The following CDH12 variants were observed in gnomAD, a reference collection of about 807,000 sequenced individuals.
CDH12 encodes cadherin 12.
A neutral mutation model predicts 74.1 loss-of-function variants in CDH12; 41 were observed. The ratio of observed to expected loss-of-function variants is 0.55; its 90% CI spans 0.43 to 0.72. The LOEUF (loss-of-function observed/expected upper bound fraction) is 0.72. CDH12 is among the 30% of genes least tolerant of loss of function. The pLI is 0.00. For synonymous variants in CDH12, 399 were observed against 355.0 expected (o/e 1.12, Z -1.39); for missense variants, 945 against 977.2 (o/e 0.97, Z 0.44).
chr5:22,708,043 C>T (rs1254793965), intron 1 of CDH12, among the ~76,000 whole-genome samples: 2 of 152,068 alleles, frequency 1.3e-5, no homozygotes, highest in East Asian at 3.9e-4. Flanking sequence ...ATTGAGGTGG[C>T]AGTGAATTTC....
At chr5:22,250,607 T>C (rs6452072) in intron 3 of CDH12, among the ~76,000 whole-genome samples, 151,410 of 152,338 alleles carry the variant, frequency 0.99, 75,257 homozygotes, top group Middle Eastern at 1. Context: ...ATGCCAACAA[T>C]ATGTTGTAAA....
At chr5:22,461,843 T>A (rs1159405806) in intron 2 of CDH12, among the ~76,000 whole-genome samples, 9 of 152,016 alleles carry the variant, frequency 5.9e-5, no homozygotes, top group Non-Finnish European at 1.2e-4. Context: ...ATAGAATTTA[T>A]TAAATGTTAT....
intron 10 of CDH12, among the ~76,000 whole-genome samples, chr5:21,796,951 A>G (rs1056445841): frequency 2.0e-5 from 3 of 152,138 alleles, no homozygotes; most frequent in Non-Finnish European, 4.4e-5. Flanking sequence ...TGTGAACTAT[A>G]TAATAGCAGT....
intron 2 of CDH12, among the ~76,000 whole-genome samples, chr5:22,485,431 G>C (rs1399878843): frequency 6.6e-6 from 1 of 152,134 alleles, no homozygotes; most frequent in African/African-American, 2.4e-5. Context: ...CTTCAAGCAA[G>C]ACTCCTTCTT....
chr5:22,021,743 T>C (rs1737993665), intron 5 of CDH12, among the ~76,000 whole-genome samples: 1 of 152,360 alleles, frequency 6.6e-6, no homozygotes, highest in African/African-American at 2.4e-5. Context: ...AAAATATGTA[T>C]AGATTGTGTT....
intron 4 of CDH12, among the ~76,000 whole-genome samples, chr5:22,193,398 C>T (rs1188704326): frequency 2.0e-5 from 3 of 152,060 alleles, no homozygotes; most frequent in Middle Eastern, 3.2e-3. Flanking sequence ...GGGGAAACTC[C>T]CAGGTCTTTT....
intron 2 of CDH12, among the ~76,000 whole-genome samples, chr5:22,491,624 A>AAAAC: frequency 6.7e-6 from 1 of 149,350 alleles, no homozygotes; most frequent in African/African-American, 2.5e-5. Context: ...AAAAAAAACA[A>AAAAC]AAAAAAAAAC....
intron 4 of CDH12, among the ~76,000 whole-genome samples, chr5:22,111,166 G>T (rs978368718): frequency 7.2e-5 from 11 of 151,942 alleles, no homozygotes; most frequent in African/African-American, 2.4e-4. Flanking sequence ...GTGGGTGGTG[G>T]TATTTATTCA....
In CDH12 at chr5:22,852,386, A is replaced by G. The variant is rs529511367; in HGVS notation, c.-523+672T>C. Among the ~76,000 whole-genome samples the G allele has an allele frequency of 2.1e-3, 317 of 152,336 alleles. 7 individuals are homozygous for G. The highest frequency in any genetic ancestry group is 3.4e-3 in the Middle Eastern group (1 of 294). On this transcript the variant is annotated intron_variant, in intron 1 of 14. Coordinates refer to ENST00000382254, the MANE Select transcript of CDH12 (RefSeq NM_004061.5). ...TTTGCCATTATGTCCTATATCACAC[A>G]TATTTCCTCCTTGTTAAATGTATCA...
Position 22,265,522 on chromosome 5 carries a change from A to G in CDH12, c.-332-52879T>C, listed in dbSNP as rs964807855. ...GTATGTAGTTTTCTTACTTTGGAAGAGAATTGATATTAAAAATTGGCCTCA... is the reference window on the plus strand; with the variant it reads ...GTATGTAGTTTTCTTACTTTGGAAGGGAATTGATATTAAAAATTGGCCTCA... On this transcript the variant is annotated intron_variant, in intron 3 of 14. Coordinates refer to ENST00000382254, the MANE Select transcript of CDH12 (RefSeq NM_004061.5). Among the ~76,000 whole-genome samples the G allele has an allele frequency of 3.0e-4, 46 of 152,206 alleles. 1 individual carries two copies. The highest frequency in any genetic ancestry group is 5.9e-4 in the Non-Finnish European group (40 of 68,034).
At position 22,587,082 on chromosome 5, in the gene CDH12, C is replaced by T. The variant is rs533074883; in HGVS notation, c.-522-81718G>A. Among the ~76,000 whole-genome samples the T allele has an allele frequency of 4.6e-5, 7 of 152,074 alleles. No homozygotes were observed. In the South Asian group the frequency reaches 8.3e-4, roughly 18 times the overall value. On this transcript the variant is annotated intron_variant, in intron 1 of 14. Transcript: ENST00000382254. ...AACTCCTGACCTCAGGCGATCTGCCCGTCTTGGCCTCCCAAAGTGCTGGGA... is the reference window on the plus strand; with the variant it reads ...AACTCCTGACCTCAGGCGATCTGCCTGTCTTGGCCTCCCAAAGTGCTGGGA...
chr5:21,850,707 T>C (rs1462725588), intron 7 of CDH12, among the ~76,000 whole-genome samples: 2 of 151,410 alleles, frequency 1.3e-5, no homozygotes, highest in Admixed American at 1.3e-4. Flanking sequence ...AAAGTATCAG[T>C]CATGTGGGCA....
At chr5:22,238,675 G>A (rs1485144483) in intron 3 of CDH12, among the ~76,000 whole-genome samples, 2 of 152,196 alleles carry the variant, frequency 1.3e-5, no homozygotes, top group Non-Finnish European at 2.9e-5. Context: ...TTTTGCAAAT[G>A]TTAAAGTCAA....
At chr5:22,405,046 C>T (rs1742880784) in intron 3 of CDH12, among the ~76,000 whole-genome samples, 1 of 151,996 alleles carries the variant, frequency 6.6e-6, no homozygotes, top group African/African-American at 2.4e-5. Flanking sequence ...CCCATTTCTA[C>T]TATAAATACA....
At chr5:21,966,883 A>G (rs1469690296) in intron 6 of CDH12, among the ~76,000 whole-genome samples, 1 of 152,116 alleles carries the variant, frequency 6.6e-6, no homozygotes, top group Non-Finnish European at 1.5e-5. Flanking sequence ...TTTGAATCGC[A>G]TGCAGTTGTC....
At chr5:21,794,419 G>A (rs755076738) in intron 10 of CDH12, among the ~76,000 whole-genome samples, 10 of 151,566 alleles carry the variant, frequency 6.6e-5, no homozygotes, top group African/African-American at 1.2e-4. Flanking sequence ...ATTCTCTTGC[G>A]GGTCCTAAAC....
chr5:22,455,713 T>TA (rs1312451154), intron 2 of CDH12, among the ~76,000 whole-genome samples: 1 of 152,178 alleles, frequency 6.6e-6, no homozygotes, highest in Non-Finnish European at 1.5e-5. Context: ...TCACATACAC[T>TA]AAGTGGGACC....
chr5:22,466,669 T>C (rs1580678919), intron 2 of CDH12, among the ~76,000 whole-genome samples: 1 of 151,952 alleles, frequency 6.6e-6, no homozygotes, highest in Non-Finnish European at 1.5e-5. Flanking sequence ...ACTATGTATG[T>C]AGTAAAACTT....
At chr5:22,035,388 A>G (rs899144018) in intron 5 of CDH12, among the ~76,000 whole-genome samples, 3 of 140,912 alleles carry the variant, frequency 2.1e-5, no homozygotes, top group Admixed American at 6.9e-5. Context: ...TGGCCTGTGT[A>G]TATATATATA....
Sources: allele counts gnomAD v4.1 joint callset (sites outside exome capture counted in the v4.1 genomes callset), GRCh38; gene constraint gnomAD v4.1.1; transcripts MANE v1.5; gene names NCBI Gene and HGNC (gene_info 2026-07-23, HGNC 2026-07-21).